The following LRFN5 variants were observed in gnomAD, a reference collection of about 807,000 sequenced individuals.
LRFN5 encodes the protein leucine-rich repeat and fibronectin type-III domain-containing protein 5.
Under a neutral mutation model 45.6 loss-of-function variants are expected in LRFN5, and 24 were observed. That is an observed-to-expected ratio of 0.53 (90% CI 0.38 to 0.74). LRFN5 has a LOEUF of 0.74. LRFN5 is among the 30% of genes least tolerant of loss of function. The pLI is 0.00. For missense variants in LRFN5, 776 were observed against 861.5 expected (o/e 0.90, Z 1.24); for synonymous variants, 340 against 313.8 (o/e 1.08, Z -0.88).
intron 1 of LRFN5, among the ~76,000 whole-genome samples, chr14:41,758,862 T>G (rs1204792829): frequency 1.3e-5 from 2 of 152,216 alleles, no homozygotes; most frequent in Non-Finnish European, 2.9e-5. Context: ...TATTCTCTTC[T>G]TTTTGAGTCA....
intron 2 of LRFN5, among the ~76,000 whole-genome samples, chr14:41,812,245 A>G (rs1367033129): frequency 6.6e-6 from 1 of 152,078 alleles, no homozygotes; most frequent in Non-Finnish European, 1.5e-5. Context: ...TTGTTTTAAA[A>G]CAAAATGATC....
intron 1 of LRFN5, among the ~76,000 whole-genome samples, chr14:41,714,529 A>T (rs1883410787): frequency 6.6e-6 from 1 of 152,110 alleles, no homozygotes; most frequent in Admixed American, 6.5e-5. Flanking sequence ...ATTTACTATA[A>T]TCAGAACTAA....
chr14:41,884,487 C>T (rs1194903174), intron 2 of LRFN5, among the ~76,000 whole-genome samples: 7 of 152,040 alleles, frequency 4.6e-5, no homozygotes, highest in Non-Finnish European at 7.4e-5. Context: ...GTTCAAGAGG[C>T]GGAAGAAGAG....
rs1159698908 is a variant in LRFN5 at position 41,891,518 on chromosome 14, T to G, written c.1654T>G (p.Tyr552Asp). The G allele has an allele frequency of 6.2e-7, 1 of 1,614,058 alleles. No individual in the cohort carries two copies. Among genetic ancestry groups the G allele is most frequent in the East Asian group, 2.2e-5 (1 of 44,896 alleles). The change falls in exon 4 of 6, where the codon TAT becomes GAT. Residue 552 changes from tyrosine (Y) to aspartate (D), a missense_variant. Around this residue, in one of 2 missense-constraint regions of LRFN5, gnomAD observed 465 missense variants for 456.4 expected, o/e 1.02. Transcript: ENST00000298119. ...ATTCATCATTATTCTGATGATCCGGTATAAGGTTTGCAACAATAATGGGCA... is the reference window on the plus strand; with the variant it reads ...ATTCATCATTATTCTGATGATCCGGGATAAGGTTTGCAACAATAATGGGCA... ...LVFIIILMIR[Y>D]KVCNNNGQHK...
chr14:41,755,521 G>C (rs541797210), intron 1 of LRFN5, among the ~76,000 whole-genome samples: 1 of 152,188 alleles, frequency 6.6e-6, no homozygotes, highest in South Asian at 2.1e-4. Flanking sequence ...ATTATGTAAT[G>C]GCCTTCTTTG....
At chr14:41,707,525 A>G (rs1883115143) in intron 1 of LRFN5, among the ~76,000 whole-genome samples, 1 of 152,164 alleles carries the variant, frequency 6.6e-6, no homozygotes, top group African/African-American at 2.4e-5. Flanking sequence ...GCATTAGTAA[A>G]TGATGAAACT....
intron 1 of LRFN5, among the ~76,000 whole-genome samples, chr14:41,750,601 G>C (rs966810207): frequency 6.6e-6 from 1 of 151,952 alleles, no homozygotes; most frequent in African/African-American, 2.4e-5. Context: ...TACCACTTAC[G>C]CAAAATTATT....
intron 1 of LRFN5, among the ~76,000 whole-genome samples, chr14:41,766,451 G>T (rs1028806057): frequency 2.0e-5 from 3 of 152,138 alleles, no homozygotes; most frequent in Non-Finnish European, 4.4e-5. Context: ...GGTTTTTCAG[G>T]TTCATTCACT....
intron 1 of LRFN5, among the ~76,000 whole-genome samples, chr14:41,734,574 A>C (rs915882532): frequency 6.6e-6 from 1 of 150,622 alleles, no homozygotes. Context: ...AGCTTCTTAT[A>C]AGCAGTATAC....
chr14:41,845,434 G>T (rs1404869403), intron 2 of LRFN5, among the ~76,000 whole-genome samples: 1 of 152,048 alleles, frequency 6.6e-6, no homozygotes, highest in East Asian at 1.9e-4. Flanking sequence ...TCTGCCATAT[G>T]CATGTATATT....
intron 1 of LRFN5, chr14:41,700,016 A>T (rs1414870447): frequency 6.6e-6 from 1 of 152,124 alleles, no homozygotes; most frequent in Admixed American, 6.6e-5. Context: ...GGAAAAAATG[A>T]TCAGTAAAAC....
At chr14:41,681,780 C>CTTTTA (rs1012490413) in intron 1 of LRFN5, among the ~76,000 whole-genome samples, 34 of 147,886 alleles carry the variant, frequency 2.3e-4, no homozygotes, top group Non-Finnish European at 3.9e-4. Flanking sequence ...ATAAACTACT[C>CTTTTA]TTTTATTTTA....
Position 41,734,335 on chromosome 14 carries a change from TATATATATA to T in LRFN5, c.-196-32518_-196-32510del, listed in dbSNP as rs765709082. Among the ~76,000 whole-genome samples the T allele has an allele frequency of 3.6e-4, 39 of 107,678 alleles. 5 individuals are homozygous for T. In the East Asian group the frequency reaches 0.012, roughly 33 times the overall value. The allele number at this position is 107,678 out of a possible 152,430, so 70.6% of individuals were successfully genotyped here. A position where few individuals can be genotyped will look rare whatever the true frequency, so the allele number is the denominator to read the frequency against. ...CTGGTTTTATATATATATATATATATATATATATATTTAAATTTGCTGTAACTTATTGAT... is the reference window on the plus strand; with the variant it reads ...CTGGTTTTATATATATATATATATATTTTAAATTTGCTGTAACTTATTGAT... On this transcript the variant is annotated intron_variant, in intron 1 of 5. Coordinates refer to ENST00000298119, the MANE Select transcript of LRFN5 (RefSeq NM_152447.5).
chr14:41,860,945 G>A (rs1594473572), intron 2 of LRFN5, among the ~76,000 whole-genome samples: 1 of 152,142 alleles, frequency 6.6e-6, no homozygotes, highest in East Asian at 1.9e-4. Flanking sequence ...ATACTCTAAA[G>A]CCAACTATTC....
At chr14:41,708,227 C>T (rs994547668) in intron 1 of LRFN5, among the ~76,000 whole-genome samples, 1 of 151,908 alleles carries the variant, frequency 6.6e-6, no homozygotes, top group Non-Finnish European at 1.5e-5. Context: ...TTGCCGGAAA[C>T]TTTAAACATA....
At chr14:41,725,933 T>A (rs533533446) in intron 1 of LRFN5, among the ~76,000 whole-genome samples, 1 of 152,330 alleles carries the variant, frequency 6.6e-6, no homozygotes, top group African/African-American at 2.4e-5. Context: ...GTTCAAAGTG[T>A]TTACCTCTTA....
At chr14:41,668,990 G>A (rs552539924) in intron 1 of LRFN5, among the ~76,000 whole-genome samples, 1 of 151,994 alleles carries the variant, frequency 6.6e-6, no homozygotes, top group South Asian at 2.1e-4. Context: ...ATATAAAGAA[G>A]AGAAAAAAAG....
chr14:41,675,796 C>A (rs976521847), intron 1 of LRFN5, among the ~76,000 whole-genome samples: 4 of 152,092 alleles, frequency 2.6e-5, no homozygotes, highest in African/African-American at 9.7e-5. Context: ...CTTTGCAGAA[C>A]TCTCTCCAGC....
intron 2 of LRFN5, among the ~76,000 whole-genome samples, chr14:41,877,223 T>G (rs570619603): frequency 6.6e-6 from 1 of 152,326 alleles, no homozygotes; most frequent in East Asian, 1.9e-4. Flanking sequence ...ATTAACTATA[T>G]GCAGTTGTGC....
Sources: allele counts gnomAD v4.1 joint callset (sites outside exome capture counted in the v4.1 genomes callset), GRCh38; gene constraint gnomAD v4.1.1; regional missense constraint gnomAD v4.1.1; transcripts MANE v1.5; gene names NCBI Gene and HGNC (gene_info 2026-07-23, HGNC 2026-07-21).